RBFOX1: variants seen among roughly 807,000 people sequenced by gnomAD.
RBFOX1 encodes the protein RNA binding fox-1 homolog 1, also known as RNA binding protein fox-1 homolog 1.
RBFOX1 carries 8 observed loss-of-function variants against 57.7 expected under a neutral mutation model. The observed-to-expected ratio is 0.14, with a 90% CI of 0.08 to 0.25. RBFOX1 has a LOEUF of 0.25. RBFOX1 is among the 10% of genes least tolerant of loss of function. The probability of loss-of-function intolerance (pLI) is 1.00; values close to 1 mark genes in which losing one functional copy is unlikely to be tolerated. For missense variants in RBFOX1, 611 were observed against 548.5 expected (o/e 1.11, Z -1.14); for synonymous variants, 326 against 222.4 (o/e 1.47, Z -4.15).
At chr16:6,162,082 A>C (rs1318592229) in intron 1 of RBFOX1, among the ~76,000 whole-genome samples, 1 of 152,224 alleles carries the variant, frequency 6.6e-6, no homozygotes, top group Non-Finnish European at 1.5e-5. Context: ...TCAGATTCAC[A>C]CAATGCAGAT....
chr16:7,143,587 C>G (rs186624611), intron 4 of RBFOX1, among the ~76,000 whole-genome samples: 2 of 152,192 alleles, frequency 1.3e-5, no homozygotes, highest in East Asian at 3.9e-4. Flanking sequence ...TCTCCCAGAC[C>G]TCCTTCTCAC....
intron 1 of RBFOX1, among the ~76,000 whole-genome samples, chr16:5,276,545 G>A (rs982822865): frequency 6.6e-6 from 1 of 152,216 alleles, no homozygotes; most frequent in African/African-American, 2.4e-5. Context: ...AGTACTTTGG[G>A]AGGCCGAGGC....
rs553496980 is a variant in RBFOX1, at chr16:5,835,731, G to A, written c.319-31572G>A. 2.6e-5 allele frequency among the ~76,000 whole-genome samples: 4 copies of A among 152,300 alleles called. No homozygotes were observed. In the East Asian group the frequency reaches 5.8e-4, roughly 22 times the overall value. ...ATAAAATGTGTTTCCTGTCTCATCC[G>A]TTTTAGTTCTTGATTAAACTCAATT... On this transcript the variant is annotated intron_variant, in intron 3 of 19. Coordinates refer to the RBFOX1 transcript ENST00000641259.
chr16:5,636,516 G>C (rs1424517686), intron 3 of RBFOX1, among the ~76,000 whole-genome samples: 1 of 151,202 alleles, frequency 6.6e-6, no homozygotes, highest in Admixed American at 6.6e-5. Flanking sequence ...TTTATTGGCT[G>C]GGTCATGGAG....
intron 4 of RBFOX1, among the ~76,000 whole-genome samples, chr16:7,447,367 A>C (rs2098816920): frequency 7.0e-6 from 1 of 142,288 alleles, no homozygotes; most frequent in Admixed American, 7.4e-5. Flanking sequence ...TGGGAGACGG[A>C]GGTTGCAGTG....
intron 3 of RBFOX1, among the ~76,000 whole-genome samples, chr16:5,816,147 A>G (rs7189118): frequency 0.68 from 103,515 of 151,416 alleles, 35,426 homozygotes; most frequent in South Asian, 0.73. Flanking sequence ...GTCAGCATTA[A>G]CCCCCAGTGG....
At chr16:6,646,348 C>T (rs548786970) in intron 2 of RBFOX1, among the ~76,000 whole-genome samples, 1 of 152,264 alleles carries the variant, frequency 6.6e-6, no homozygotes, top group African/African-American at 2.4e-5. Flanking sequence ...GACAAACTAA[C>T]AATATCATCT....
At chr16:7,443,819 T>G (rs2098788491) in intron 4 of RBFOX1, among the ~76,000 whole-genome samples, 1 of 152,116 alleles carries the variant, frequency 6.6e-6, no homozygotes, top group Non-Finnish European at 1.5e-5. Flanking sequence ...TACAGACAGA[T>G]GAACTATTTT....
chr16:5,590,796 G>C (rs2046982395), intron 2 of RBFOX1, among the ~76,000 whole-genome samples: 1 of 152,204 alleles, frequency 6.6e-6, no homozygotes, highest in Admixed American at 6.5e-5. Context: ...GTTGAAATCT[G>C]AGAGTGCATC....
At chr16:6,898,657 G>T (rs564906352) in intron 3 of RBFOX1, among the ~76,000 whole-genome samples, 3 of 152,194 alleles carry the variant, frequency 2.0e-5, no homozygotes, top group African/African-American at 7.2e-5. Context: ...AGATAATTCA[G>T]CTCTGAGTTT....
At chr16:7,047,223 A>C (rs774250095) in intron 3 of RBFOX1, among the ~76,000 whole-genome samples, 1 of 151,840 alleles carries the variant, frequency 6.6e-6, no homozygotes, top group Admixed American at 6.6e-5. Flanking sequence ...TCCTATAGCG[A>C]TTATTTTAGG....
At chr16:7,069,813 C>G (rs1026304573) in intron 4 of RBFOX1, among the ~76,000 whole-genome samples, 7 of 152,166 alleles carry the variant, frequency 4.6e-5, no homozygotes, top group South Asian at 4.2e-4. Flanking sequence ...TTGTGTTCCT[C>G]CTATCCATGT....
At chr16:6,868,813 C>A (rs908291532) in intron 3 of RBFOX1, among the ~76,000 whole-genome samples, 2 of 152,088 alleles carry the variant, frequency 1.3e-5, no homozygotes, top group African/African-American at 4.8e-5. Context: ...TCTTTTTGCT[C>A]CTCGAAAGAT....
At chr16:5,989,912 C>G (rs1437513952) in intron 4 of RBFOX1, among the ~76,000 whole-genome samples, 2 of 138,676 alleles carry the variant, frequency 1.4e-5, no homozygotes, top group Non-Finnish European at 3.2e-5. Context: ...AGTAACCACC[C>G]AGGTTGGTCT....
intron 3 of RBFOX1, among the ~76,000 whole-genome samples, chr16:5,692,275 T>C (rs2050712029): frequency 6.6e-6 from 1 of 151,808 alleles, no homozygotes; most frequent in African/African-American, 2.4e-5. Flanking sequence ...AGAAGCAAGA[T>C]GCCATGTTGT....
At chr16:6,745,312 C>T (rs1022473225) in intron 3 of RBFOX1, among the ~76,000 whole-genome samples, 2 of 152,046 alleles carry the variant, frequency 1.3e-5, no homozygotes, top group African/African-American at 4.8e-5. Context: ...GCAACGATTA[C>T]TGTAATACCA....
intron 1 of RBFOX1, among the ~76,000 whole-genome samples, chr16:6,228,444 C>G (rs1478043133): frequency 6.6e-6 from 1 of 151,938 alleles, no homozygotes; most frequent in Non-Finnish European, 1.5e-5. Context: ...CACACACACA[C>G]ACATACATAT....
rs1418935785 is a variant in RBFOX1 at position 6,307,004 on chromosome 16, C to G, written c.-126-9991C>G. On this transcript the variant is annotated intron_variant, in intron 1 of 15. Coordinates refer to ENST00000550418, the MANE Select transcript of RBFOX1 (RefSeq NM_018723.4). Reference sequence around the variant, plus strand: ...TGAAGGCACCACCCAAAAAGTCAAACTAGACAACATCTCTATTTTTAAAAA... The same window carrying G: ...TGAAGGCACCACCCAAAAAGTCAAAGTAGACAACATCTCTATTTTTAAAAA... Among the ~76,000 whole-genome samples, 2 of 152,196 alleles carry G rather than the reference C, an allele frequency of 1.3e-5. 1 individual carries two copies. The highest frequency in any genetic ancestry group is 1.3e-4 in the Admixed American group (2 of 15,274).
chr16:5,967,842 A>T (rs2059878442), intron 4 of RBFOX1, among the ~76,000 whole-genome samples: 1 of 152,192 alleles, frequency 6.6e-6, no homozygotes, highest in Non-Finnish European at 1.5e-5. Context: ...GGATATCTGA[A>T]AGCAGGGGTA....
Sources: allele counts gnomAD v4.1 joint callset (sites outside exome capture counted in the v4.1 genomes callset), GRCh38; gene constraint gnomAD v4.1.1; transcripts MANE v1.5; gene names NCBI Gene and HGNC (gene_info 2026-07-23, HGNC 2026-07-21).